Variants in JMJD1C observed in about 807,000 individuals in gnomAD.
The protein encoded by JMJD1C is jumonji domain-containing protein 1C.
In JMJD1C, 31 loss-of-function variants were observed where a neutral mutation model predicts 245.3. That is an observed-to-expected ratio of 0.13 (90% CI 0.09 to 0.17). The LOEUF (loss-of-function observed/expected upper bound fraction) is 0.17, where lower values mean the gene tolerates loss of function less well. Ranked by LOEUF, JMJD1C falls within the 10% of genes least tolerant of loss-of-function variation. The probability of loss-of-function intolerance (pLI) is 1.00; values close to 1 mark genes in which losing one functional copy is unlikely to be tolerated. For synonymous variants in JMJD1C, 1,057 were observed against 1,017.4 expected, an observed-to-expected ratio of 1.04 and a Z score of -0.74; for missense variants, 2,691 against 3,000.2, an observed-to-expected ratio of 0.90 and a Z score of 2.41.
intron 2 of JMJD1C, among the ~76,000 whole-genome samples, chr10:63,343,849 G>A (rs1407985449): frequency 1.3e-5 from 2 of 152,172 alleles, no homozygotes; most frequent in East Asian, 3.9e-4. Context: ...ACCGGCCTGG[G>A]TAATGTGGCA....
chr10:63,415,898 C>G (rs1044415716), intron 1 of JMJD1C, among the ~76,000 whole-genome samples: 2 of 152,150 alleles, frequency 1.3e-5, no homozygotes, highest in Non-Finnish European at 2.9e-5. Flanking sequence ...ACGCTCAATC[C>G]ATGAAGTTGA....
chr10:63,299,496 T>A (rs1371975917), intron 2 of JMJD1C, among the ~76,000 whole-genome samples: 1 of 151,966 alleles, frequency 6.6e-6, no homozygotes, highest in African/African-American at 2.4e-5. Flanking sequence ...CTGGCCCAGA[T>A]TTCTTATTAT....
intron 1 of JMJD1C, among the ~76,000 whole-genome samples, chr10:63,509,184 C>G (rs1445326228): frequency 6.6e-6 from 1 of 152,114 alleles, no homozygotes; most frequent in Admixed American, 6.5e-5. Flanking sequence ...TTGACACAAC[C>G]CTGTGATTTT....
intron 2 of JMJD1C, among the ~76,000 whole-genome samples, chr10:63,290,150 T>TA (rs1385155526): frequency 2.0e-5 from 3 of 151,994 alleles, no homozygotes; most frequent in African/African-American, 7.2e-5. Flanking sequence ...AAACAAACCT[T>TA]AAAGGAAGGT....
chr10:63,326,516 T>A (rs979793714), intron 2 of JMJD1C, among the ~76,000 whole-genome samples: 1 of 152,102 alleles, frequency 6.6e-6, no homozygotes, highest in Non-Finnish European at 1.5e-5. Context: ...CATGAAACAC[T>A]GAAGGTCCAC....
In JMJD1C at chr10:63,207,153, C is replaced by T. The variant is rs1490101225; in HGVS notation, c.4516G>A (p.Ala1506Thr). 6.2e-7 allele frequency: 1 copy of T among 1,614,124 alleles called. No homozygotes were observed. Among genetic ancestry groups the T allele is most frequent in the Non-Finnish European group, 8.5e-7 (1 of 1,180,006 alleles). Residue 1506 changes from alanine (A) to threonine (T), a missense_variant, in exon 10 of 26, where the codon GCT becomes ACT. Coordinates refer to ENST00000399262, the MANE Select transcript of JMJD1C (RefSeq NM_032776.3). ...SSNASETEPN[A>T]IKNQTLSASL... ...GCTGAAAGTGTCTGATTTTTTATAG[C>T]ATTAGGTTCAGTCTCACTGGCATTA... is the stretch of plus-strand genomic sequence containing the variant.
intron 2 of JMJD1C, among the ~76,000 whole-genome samples, chr10:63,279,139 A>G (rs1402081989): frequency 6.6e-6 from 1 of 151,680 alleles, no homozygotes; most frequent in Non-Finnish European, 1.5e-5. Flanking sequence ...AATCCCAGCT[A>G]CTCAGGAGGC....
intron 10 of JMJD1C, chr10:63,202,413 T>C (rs950224178): frequency 7.1e-6 from 7 of 985,328 alleles, no homozygotes; most frequent in African/African-American, 1.7e-5. Flanking sequence ...TAAAACTGTA[T>C]TTCCTACCCT....
intron 2 of JMJD1C, among the ~76,000 whole-genome samples, chr10:63,317,364 G>A: frequency 6.6e-6 from 1 of 152,010 alleles, no homozygotes; most frequent in East Asian, 1.9e-4. Flanking sequence ...ATTTAGCTTG[G>A]CACAGTGGCG....
chr10:63,267,871 A>G (rs1038231037), intron 2 of JMJD1C, among the ~76,000 whole-genome samples: 6 of 152,146 alleles, frequency 3.9e-5, no homozygotes, highest in African/African-American at 1.4e-4. Context: ...AATGCTTAGA[A>G]CAACTGTATC....
intron 22 of JMJD1C, among the ~76,000 whole-genome samples, chr10:63,181,051 G>C (rs1294713197): frequency 6.6e-6 from 1 of 152,056 alleles, no homozygotes; most frequent in African/African-American, 2.4e-5. Context: ...ATTTTTAATA[G>C]AGACTGGGTT....
At chr10:63,368,666 A>G (rs753485200) in intron 2 of JMJD1C, among the ~76,000 whole-genome samples, 2 of 152,184 alleles carry the variant, frequency 1.3e-5, no homozygotes, top group Non-Finnish European at 2.9e-5. Flanking sequence ...GCTAAGATTC[A>G]TTTACCTTAT....
At chr10:63,362,126 T>C (rs1334347010) in intron 2 of JMJD1C, among the ~76,000 whole-genome samples, 4 of 151,412 alleles carry the variant, frequency 2.6e-5, no homozygotes, top group African/African-American at 9.7e-5. Context: ...TCCCAGCTAC[T>C]AGGGGTGCTG....
intron 1 of JMJD1C, among the ~76,000 whole-genome samples, chr10:63,501,602 C>T (rs2133252032): frequency 6.6e-6 from 1 of 152,126 alleles, no homozygotes; most frequent in Non-Finnish European, 1.5e-5. Context: ...ACAGTGAAAC[C>T]CCATCTCTAC....
Position 63,213,564 on chromosome 10 carries a change from T to C in JMJD1C, c.2603A>G (p.Asn868Ser). 1 of 1,614,116 alleles carries C rather than the reference T, an allele frequency of 6.2e-7. No individual in the cohort carries two copies. Among genetic ancestry groups the C allele is most frequent in the Non-Finnish European group, 8.5e-7 (1 of 1,179,934 alleles). Residue 868 changes from asparagine (N) to serine (S), a missense_variant, in exon 8 of 26, where the codon AAT (asparagine) becomes AGT (serine). Physicochemically the swap from Asn to Ser is conservative, Grantham distance 46. This residue lies in a region of JMJD1C where 1,562 missense variants were observed against 1,490.7 expected (regional missense o/e 1.05). Transcript: ENST00000399262. ...AAGTCCTGAGTATGCATGTGTTCCA[T>C]TTGGATACTGCCAAATAATTGGATA... ...GLYPIIWQYP[N>S]GTHAYSGLGL...
chr10:63,396,368 T>C (rs1948487146), intron 1 of JMJD1C, among the ~76,000 whole-genome samples: 1 of 152,174 alleles, frequency 6.6e-6, no homozygotes, highest in Non-Finnish European at 1.5e-5. Context: ...CAGTATTTCC[T>C]AAGAGATAAA....
At chr10:63,170,076 A>G (rs888986283) in intron 24 of JMJD1C, among the ~76,000 whole-genome samples, 2 of 152,194 alleles carry the variant, frequency 1.3e-5, no homozygotes, top group Admixed American at 6.6e-5. Flanking sequence ...AACTTTTGGT[A>G]TATCTAGCTC....
chr10:63,371,142 C>T (rs952489357), intron 2 of JMJD1C, among the ~76,000 whole-genome samples: 3 of 134,806 alleles, frequency 2.2e-5, no homozygotes, highest in African/African-American at 9.4e-5. Context: ...CTACAATAGG[C>T]TAATTTTTTT....
intron 24 of JMJD1C, among the ~76,000 whole-genome samples, chr10:63,170,234 A>G (rs1181546116): frequency 6.6e-6 from 1 of 152,136 alleles, no homozygotes; most frequent in Non-Finnish European, 1.5e-5. Context: ...TCTAGTAGTA[A>G]GTCCAATGTC....
Sources: gnomAD v4.1 joint callset for allele counts (sites outside exome capture counted in the v4.1 genomes callset) on GRCh38, gnomAD v4.1.1 for gene constraint, gnomAD v4.1.1 regional missense constraint, MANE v1.5 for transcripts, NCBI Gene and HGNC (gene_info 2026-07-23, HGNC 2026-07-21) for gene names.